Variants in EPS15L1 observed in about 807,000 individuals in gnomAD.
The protein encoded by EPS15L1 is epidermal growth factor receptor pathway substrate 15 like 1.
Under a neutral mutation model 117.1 loss-of-function variants are expected in EPS15L1, and 43 were observed. That is an observed-to-expected ratio of 0.37 (90% CI 0.29 to 0.47). EPS15L1 has a LOEUF of 0.47. EPS15L1 is among the 20% of genes least tolerant of loss of function. The probability of loss-of-function intolerance (pLI) is 0.99; values close to 1 mark genes in which losing one functional copy is unlikely to be tolerated. For missense variants in EPS15L1, 981 were observed against 1,164.0 expected (o/e 0.84, Z 2.29); for synonymous variants, 459 against 470.5 (o/e 0.98, Z 0.32).
intron 16 of EPS15L1, among the ~76,000 whole-genome samples, chr19:16,398,467 G>A (rs1448337419): frequency 1.3e-5 from 2 of 152,096 alleles, no homozygotes; most frequent in South Asian, 2.1e-4. Flanking sequence ...TGGGGGTCTC[G>A]GATGCAGATA....
chr19:16,413,116 T>C, intron 13 of EPS15L1: 6 of 679,488 alleles, frequency 8.8e-6, no homozygotes, highest in African/African-American at 1.8e-5. Flanking sequence ...GGTCTGGGTA[T>C]TAAGTGCTCC....
chr19:16,466,776 G>A (rs1197553739), intron 1 of EPS15L1, among the ~76,000 whole-genome samples: 1 of 151,992 alleles, frequency 6.6e-6, no homozygotes, highest in African/African-American at 2.4e-5. Flanking sequence ...GGTAGTGGGC[G>A]CCTGTAATCC....
chr19:16,379,597 GCTGA>G (rs2144713893), intron 21 of EPS15L1, among the ~76,000 whole-genome samples: 1 of 152,384 alleles, frequency 6.6e-6, no homozygotes, highest in East Asian at 1.9e-4. Context: ...CACCGATGCA[GCTGA>G]CTAAGGCTCC....
intron 21 of EPS15L1, among the ~76,000 whole-genome samples, chr19:16,377,663 C>T (rs1473785651): frequency 2.0e-5 from 3 of 152,232 alleles, no homozygotes; most frequent in African/African-American, 7.2e-5. Context: ...GTGCTTGGCA[C>T]ATGCCCTGGT....
chr19:16,419,594 A>C (rs1599617706), intron 10 of EPS15L1, among the ~76,000 whole-genome samples: 1 of 151,974 alleles, frequency 6.6e-6, no homozygotes, highest in East Asian at 1.9e-4. Flanking sequence ...CTCGTTTCCC[A>C]CCTCCCGTGT....
In EPS15L1 at chr19:16,448,618, C is replaced by T. The variant is rs774485440; in HGVS notation, c.34-6399G>A. 2.7e-5 allele frequency among the ~76,000 whole-genome samples: 4 copies of T among 149,994 alleles called. No individual in the cohort carries two copies. The East Asian group carries it at 5.9e-4, about 22-fold the overall frequency. ...CAGCACATTGGGAGGCCAAGGTAGG[C>T]GGATCACCTGGGGTCAGGAGTTCAA... On this transcript the variant is annotated intron_variant, in intron 1 of 23. Coordinates refer to ENST00000455140, the MANE Select transcript of EPS15L1 (RefSeq NM_001258374.3).
intron 19 of EPS15L1, among the ~76,000 whole-genome samples, chr19:16,390,700 A>G (rs1409089942): frequency 6.6e-6 from 1 of 152,232 alleles, no homozygotes; most frequent in Non-Finnish European, 1.5e-5. Flanking sequence ...TATACCTAGG[A>G]GAAAAAGCCA....
At position 16,402,408 on chromosome 19, in the gene EPS15L1, G is replaced by A. The variant is rs150310027; in HGVS notation, c.1704C>T (p.Leu568=). 680 of 1,614,082 alleles carry A rather than the reference G, an allele frequency of 4.2e-4. 1 individual carries two copies. The Middle Eastern group carries it at 4.6e-3, about 11-fold the overall frequency. The change falls in exon 16 of 24, where the codon CTC becomes CTT. Residue 568 remains leucine, a synonymous_variant. Transcript: ENST00000455140. ...HRSLEQYDQV[L]DGAHGASLTD... ...TCAGGCTGGCACCATGGGCTCCATCGAGCACCTGGTCATACTGCTCCAGGC... is the reference window on the plus strand; with the variant it reads ...TCAGGCTGGCACCATGGGCTCCATCAAGCACCTGGTCATACTGCTCCAGGC...
At chr19:16,398,537 A>G (rs1406016544) in intron 16 of EPS15L1, among the ~76,000 whole-genome samples, 2 of 152,232 alleles carry the variant, frequency 1.3e-5, no homozygotes, top group African/African-American at 4.8e-5. Context: ...TCTGCCTTTC[A>G]CACTGCCCCA....
chr19:16,366,158 C>G (rs1438321535), intron 22 of EPS15L1, among the ~76,000 whole-genome samples: 1 of 152,030 alleles, frequency 6.6e-6, no homozygotes, highest in East Asian at 1.9e-4. Context: ...CACGGTGTAG[C>G]CCCCTGGGAC....
intron 12 of EPS15L1, among the ~76,000 whole-genome samples, chr19:16,415,293 C>T (rs893844940): frequency 1.3e-5 from 2 of 152,122 alleles, no homozygotes; most frequent in Admixed American, 6.5e-5. Context: ...CAGAACTGTG[C>T]GAAATGTCTG....
intron 1 of EPS15L1, among the ~76,000 whole-genome samples, chr19:16,446,971 AG>A (rs2093089437): frequency 6.6e-6 from 1 of 152,228 alleles, no homozygotes; most frequent in Non-Finnish European, 1.5e-5. Flanking sequence ...TCTCAGTCTG[AG>A]TTCCTACTTA....
At chr19:16,442,031 C>A in intron 2 of EPS15L1, 50 bp from the exon 3 acceptor site, 1 of 1,543,062 alleles carries the variant, frequency 6.5e-7, no homozygotes, top group South Asian at 1.1e-5. Context: ...AATGCAGCAG[C>A]AGGTGAAGTG....
At chr19:16,362,449 G>C (rs150119024) in intron 22 of EPS15L1, among the ~76,000 whole-genome samples, 1 of 149,164 alleles carries the variant, frequency 6.7e-6, no homozygotes, top group Non-Finnish European at 1.5e-5. Flanking sequence ...AACGTGGTAT[G>C]GTTATTCGGT....
chr19:16,392,771 T>C (rs1262302074), intron 18 of EPS15L1, among the ~76,000 whole-genome samples: 1 of 152,142 alleles, frequency 6.6e-6, no homozygotes, highest in Non-Finnish European at 1.5e-5. Context: ...AATAATATCC[T>C]GGCCAGGCAC....
chr19:16,430,926 G>GATGCATGGATACAAAGATGT (rs1221413845), intron 7 of EPS15L1, among the ~76,000 whole-genome samples: 6 of 152,218 alleles, frequency 3.9e-5, no homozygotes, highest in Non-Finnish European at 8.8e-5. Context: ...TGGGTGCATA[G>GATGCATGGATACAAAGATGT]ATGCATGGAT....
At chr19:16,444,734 T>G (rs956184100) in intron 1 of EPS15L1, among the ~76,000 whole-genome samples, 1 of 151,796 alleles carries the variant, frequency 6.6e-6, no homozygotes, top group African/African-American at 2.4e-5. Flanking sequence ...CAAGTTTTTT[T>G]TTTTTTTTTT....
At chr19:16,408,362 G>A (rs1042439829) in intron 13 of EPS15L1, among the ~76,000 whole-genome samples, 3 of 152,084 alleles carry the variant, frequency 2.0e-5, no homozygotes, top group Non-Finnish European at 4.4e-5. Flanking sequence ...GGTAGCTCAC[G>A]CCTGTAATGC....
intron 16 of EPS15L1, among the ~76,000 whole-genome samples, chr19:16,398,734 A>AG (rs1288169586): frequency 6.6e-6 from 1 of 152,098 alleles, no homozygotes; most frequent in Non-Finnish European, 1.5e-5. Context: ...CCCACTACTG[A>AG]GCAGCGTGGG....
Sources: allele counts gnomAD v4.1 joint callset (sites outside exome capture counted in the v4.1 genomes callset), GRCh38; gene constraint gnomAD v4.1.1; transcripts MANE v1.5; gene names NCBI Gene and HGNC (gene_info 2026-07-23, HGNC 2026-07-21).